The following PTPN2 variants were observed in gnomAD, a reference collection of about 807,000 sequenced individuals.
PTPN2 encodes the protein tyrosine-protein phosphatase non-receptor type 2.
Under a neutral mutation model 57.3 loss-of-function variants are expected in PTPN2, and 19 were observed. The observed-to-expected ratio is 0.33, with a 90% CI of 0.23 to 0.49. The LOEUF is 0.49. PTPN2 is among the 20% of genes least tolerant of loss of function. The pLI is 0.99. For missense variants in PTPN2, 358 were observed against 501.1 expected, an observed-to-expected ratio of 0.71 and a Z score of 2.73; for synonymous variants, 153 against 164.9, an observed-to-expected ratio of 0.93 and a Z score of 0.55.
chr18:12,843,525 C>T (rs1400025949), intron 2 of PTPN2, among the ~76,000 whole-genome samples: 4 of 152,172 alleles, frequency 2.6e-5, no homozygotes, highest in African/African-American at 9.7e-5. Context: ...GCTCCCTCCA[C>T]CCAGCGTAAG....
intron 1 of PTPN2, among the ~76,000 whole-genome samples, chr18:12,882,082 T>C (rs1197788267): frequency 6.6e-6 from 1 of 152,184 alleles, no homozygotes; most frequent in Non-Finnish European, 1.5e-5. Flanking sequence ...GCAACTCCAC[T>C]GGGGGTCCGG....
intron 5 of PTPN2, among the ~76,000 whole-genome samples, chr18:12,818,330 T>G (rs2042148613): frequency 1.3e-5 from 2 of 152,232 alleles, no homozygotes; most frequent in Admixed American, 6.5e-5. Flanking sequence ...TATTTTTAAT[T>G]GGAATTGCTC....
chr18:12,806,928 A>T (rs2041672945), intron 7 of PTPN2, among the ~76,000 whole-genome samples: 1 of 152,192 alleles, frequency 6.6e-6, no homozygotes, highest in African/African-American at 2.4e-5. Flanking sequence ...GCAAAAACAG[A>T]CAAATGGGAT....
intron 2 of PTPN2, among the ~76,000 whole-genome samples, chr18:12,856,306 T>C (rs983805633): frequency 1.3e-5 from 2 of 152,164 alleles, no homozygotes; most frequent in Admixed American, 6.5e-5. Context: ...CTGAAGCATA[T>C]TGGCTCAGAC....
chr18:12,812,997 T>G (rs545298451), intron 7 of PTPN2, among the ~76,000 whole-genome samples: 28 of 145,474 alleles, frequency 1.9e-4, no homozygotes, highest in African/African-American at 6.9e-4. Flanking sequence ...AAAGTATGTA[T>G]TCTAAAACTA....
At chr18:12,828,648 C>T (rs1477368809) in intron 4 of PTPN2, among the ~76,000 whole-genome samples, 1 of 152,132 alleles carries the variant, frequency 6.6e-6, no homozygotes, top group Non-Finnish European at 1.5e-5. Context: ...CAAATTTGAA[C>T]TGGGAATATC....
At chr18:12,791,847 G>A (rs1397709301), downstream of PTPN2, among the ~76,000 whole-genome samples, 1 of 152,122 alleles carries the variant, frequency 6.6e-6, no homozygotes, top group African/African-American at 2.4e-5. Flanking sequence ...GGTGAGGCAC[G>A]TCCTCTCTGG....
chr18:12,874,007 C>A (rs1225041035), intron 1 of PTPN2, among the ~76,000 whole-genome samples: 1 of 151,576 alleles, frequency 6.6e-6, no homozygotes, highest in Non-Finnish European at 1.5e-5. Context: ...AGACCCTCCA[C>A]CTGGCAACCG....
At chr18:12,818,923 G>A (rs80262450) in intron 5 of PTPN2, 13,922 of 166,190 alleles carry the variant, frequency 0.084, 781 homozygotes, top group East Asian at 0.15. Context: ...GAGAAACCCC[G>A]TCTCTACTAA....
At chr18:12,855,104 T>C (rs1041593717) in intron 2 of PTPN2, among the ~76,000 whole-genome samples, 1 of 152,194 alleles carries the variant, frequency 6.6e-6, no homozygotes, top group African/African-American at 2.4e-5. Context: ...GTGGAAAGTC[T>C]CTCATTGCAT....
rs774658889 is a variant in PTPN2 at position 12,807,743 on chromosome 18, T to TA, written c.859-5593dup. Among the ~76,000 whole-genome samples, 3 of 151,362 alleles carry TA rather than the reference T, an allele frequency of 2.0e-5. No individual in the cohort carries two copies. In the East Asian group the frequency reaches 5.8e-4, roughly 29 times the overall value. On this transcript the variant is annotated intron_variant, in intron 7 of 8. Transcript: ENST00000309660. ...ACTCATATGTGGAATCTAAAAATGT[T>TA]AATCTCATAGAAGCAGAGAGTAGAA...
intron 7 of PTPN2, among the ~76,000 whole-genome samples, chr18:12,808,686 TAG>T (rs979305408): frequency 5.9e-5 from 9 of 151,606 alleles, no homozygotes; most frequent in African/African-American, 2.2e-4. Context: ...GAGGCTGAGG[TAG>T]GAGAATCACT....
chr18:12,807,582 A>ATATATATATATATAT (rs764663687), intron 7 of PTPN2, among the ~76,000 whole-genome samples: 2 of 61,494 alleles, frequency 3.3e-5, no homozygotes, highest in East Asian at 1.6e-3. Context: ...AAAAAAAAAA[A>ATATATATATATATAT]AAAAATATAT....
chr18:12,882,713 C>T (rs1274203755), intron 1 of PTPN2, among the ~76,000 whole-genome samples: 2 of 152,186 alleles, frequency 1.3e-5, no homozygotes, highest in Non-Finnish European at 2.9e-5. Flanking sequence ...CTAACATACT[C>T]TGTATCATGG....
In PTPN2 at chr18:12,840,477, C is replaced by T. The variant is rs567253656; in HGVS notation, c.161-3586G>A. Reference sequence around the variant, plus strand: ...GAAAATTCTACTTGATGAAAGGTTTCCAATTGACCACAAAACCAACCAGAA... The same window carrying T: ...GAAAATTCTACTTGATGAAAGGTTTTCAATTGACCACAAAACCAACCAGAA... On this transcript the variant is annotated intron_variant, in intron 2 of 8. Transcript: ENST00000309660. Among the ~76,000 whole-genome samples the T allele has an allele frequency of 5.1e-4, 78 of 152,296 alleles. 1 individual carries two copies. Among genetic ancestry groups the T allele is most frequent in the African/African-American group, 1.9e-3 (77 of 41,554 alleles).
chr18:12,870,514 T>G (rs866418113), intron 1 of PTPN2, among the ~76,000 whole-genome samples: 21 of 98,458 alleles, frequency 2.1e-4, no homozygotes, highest in East Asian at 3.8e-4. Flanking sequence ...CGTGTTGTTT[T>G]TTTTTTTTTT....
intron 8 of PTPN2, among the ~76,000 whole-genome samples, chr18:12,800,098 G>A (rs1275795488): frequency 6.6e-6 from 1 of 152,076 alleles, no homozygotes; most frequent in African/African-American, 2.4e-5. Flanking sequence ...GCGAAAACAT[G>A]TACAGGCACA....
At chr18:12,883,868 T>G (rs2044756658) in intron 1 of PTPN2, 2 of 486,574 alleles carry the variant, frequency 4.1e-6, no homozygotes, top group Non-Finnish European at 7.1e-6. Flanking sequence ...AGCTCAAGTA[T>G]GCTTTTTTTT....
intron 2 of PTPN2, chr18:12,840,949 C>T: frequency 2.7e-6 from 4 of 1,479,608 alleles, no homozygotes; most frequent in Non-Finnish European, 3.6e-6. Context: ...CTGGTCTGTT[C>T]CCTGCATTGA....
Sources: allele counts gnomAD v4.1 joint callset (sites outside exome capture counted in the v4.1 genomes callset), GRCh38; gene constraint gnomAD v4.1.1; transcripts MANE v1.5; gene names NCBI Gene and HGNC (gene_info 2026-07-23, HGNC 2026-07-21).